HOXA3: variants seen among roughly 807,000 people sequenced by gnomAD.
HOXA3 encodes the protein homeobox protein Hox-A3.
A neutral mutation model predicts 30.3 loss-of-function variants in HOXA3; 8 were observed. The ratio of observed to expected loss-of-function variants is 0.26; its 90% CI spans 0.15 to 0.48. The LOEUF is 0.48. Ranked by LOEUF, HOXA3 falls within the 20% of genes least tolerant of loss-of-function variation. The pLI is 0.99. For synonymous variants in HOXA3, 323 were observed against 273.1 expected (o/e 1.18, Z -1.80); for missense variants, 653 against 614.4 (o/e 1.06, Z -0.66).
At chr7:27,120,836 TG>T (rs1273977815) in intron 4 of HOXA3, 2 of 152,226 alleles carry the variant, frequency 1.3e-5, no homozygotes, top group African/African-American at 2.4e-5. Flanking sequence ...GCAGCCTATC[TG>T]GGGAACCAGC....
intron 4 of HOXA3, among the ~76,000 whole-genome samples, chr7:27,120,338 C>G (rs934275453): frequency 4.0e-5 from 6 of 151,858 alleles, no homozygotes; most frequent in Admixed American, 3.9e-4. Flanking sequence ...GTCAGCAGTT[C>G]GAGACCAGCC....
At position 27,107,868 on chromosome 7, in the gene HOXA3, AG is replaced by A. The variant is rs1315033027; in HGVS notation, c.*46del. On this transcript the variant is annotated 3_prime_UTR_variant, in exon 6 of 6. Coordinates refer to ENST00000612286, the MANE Select transcript of HOXA3 (RefSeq NM_153631.3). ...AAAAAAAAAAGCAACCAAAGAAAAA[AG>A]GTGGGTGGGGGGAGACTCTCCTGGC... 1.7e-6 allele frequency: 2 copies of A among 1,159,784 alleles called. No homozygotes were observed. The highest frequency in any genetic ancestry group is 3.2e-5 in the African/African-American group (2 of 63,236). The allele number at this position is 1,159,784 out of a possible 1,614,324, so 71.8% of individuals were successfully genotyped here. A position where few individuals can be genotyped will look rare whatever the true frequency, so the allele number is the denominator to read the frequency against.
At chr7:27,145,137 AAGGCCGGGCTCC>A (rs1238692677) in intron 1 of HOXA3, among the ~76,000 whole-genome samples, 2 of 152,182 alleles carry the variant, frequency 1.3e-5, no homozygotes, top group African/African-American at 4.8e-5. Flanking sequence ...AGGCCGCGAC[AAGGCCGGGCTCC>A]AGCTCTTAGA....
Position 27,108,756 on chromosome 7 carries a change from G to T in HOXA3, c.527-36C>A, listed in dbSNP as rs746153846. On this transcript the variant is annotated intron_variant, in intron 5 of 5. Coordinates refer to ENST00000612286, the MANE Select transcript of HOXA3 (RefSeq NM_153631.3). This position sits in a 1 kb window ranked among gnomAD's most constrained non-coding sequence, Gnocchi z 5.0. ...AGAGAGAGGAAGAGCGGCGTCAGGG[G>T]CTGCCGCGGCCCCGCCCAGCCCCTG... 6.6e-7 allele frequency: 1 copy of T among 1,509,112 alleles called. No homozygotes were observed. Among genetic ancestry groups the T allele is most frequent in the Non-Finnish European group, 8.9e-7 (1 of 1,121,294 alleles). The allele number at this position is 1,509,112 out of a possible 1,614,324, so 93.5% of individuals were successfully genotyped here. A position where few individuals can be genotyped will look rare whatever the true frequency, so the allele number is the denominator to read the frequency against.
At chr7:27,147,862 G>A (rs1348763840) in intron 1 of HOXA3, 34 of 948,326 alleles carry the variant, frequency 3.6e-5, no homozygotes, top group Non-Finnish European at 5.2e-5. Context: ...AAAAGCGACA[G>A]CAGCAAATCG....
rs1465049093 is a variant in HOXA3, at chr7:27,129,689, A to G, written c.-389-2619T>C. 4.6e-6 allele frequency: 5 copies of G among 1,098,420 alleles called. No individual in the cohort carries two copies. The Admixed American group carries it at 1.0e-4, about 22-fold the overall frequency. 68.0% of individuals were successfully genotyped at this position (1,098,420 alleles called of 1,614,324 possible). Reference sequence around the variant, plus strand: ...CAATTGGACATCATCATTATATAATAACCTGACACCAAGTTCACGCAAGAT... The same window carrying G: ...CAATTGGACATCATCATTATATAATGACCTGACACCAAGTTCACGCAAGAT... On this transcript the variant is annotated intron_variant, in intron 2 of 5. Transcript: ENST00000612286.
rs935855248 is a variant in HOXA3, at chr7:27,147,756, G to T, written c.-494+4532C>A. The stretch of plus-strand genomic sequence containing the variant: ...TCACAAAATAGGAACTCATTTGCGC[G>T]CCCCTCTGCAGGACTGTGATTTGTT... On this transcript the variant is annotated intron_variant, in intron 1 of 5. Coordinates refer to ENST00000612286, the MANE Select transcript of HOXA3 (RefSeq NM_153631.3). 3.1e-6 allele frequency: 5 copies of T among 1,601,154 alleles called. No homozygotes were observed. In the African/African-American group the frequency reaches 4.0e-5, roughly 13 times the overall value.
intron 1 of HOXA3, chr7:27,143,039 G>A: frequency 1.3e-6 from 2 of 1,504,078 alleles, no homozygotes; most frequent in South Asian, 1.4e-5. Flanking sequence ...AAAAAGGCTG[G>A]CTTTACCATG....
chr7:27,108,245 C>T lies in HOXA3; in HGVS notation c.1002G>A (p.Ala334=). The T allele has an allele frequency of 6.6e-7, 1 of 1,517,802 alleles. No homozygotes were observed. The highest frequency in any genetic ancestry group is 8.8e-7 in the Non-Finnish European group (1 of 1,133,310). 94.0% of individuals were successfully genotyped at this position (1,517,802 alleles called of 1,614,324 possible). The change falls in exon 6 of 6, where the codon GCG becomes GCA. Residue 334 remains alanine, a synonymous_variant. Transcript: ENST00000612286. This position sits in a 1 kb window ranked among gnomAD's most constrained non-coding sequence, Gnocchi z 5.0. Reference sequence around the variant, plus strand: ...CATAGTCGGGGGTGCCCCCTGCGCCCGCCCCTGCCGCCGTGTAGCGCTTCT... The same window carrying T: ...CATAGTCGGGGGTGCCCCCTGCGCCTGCCCCTGCCGCCGTGTAGCGCTTCT... ...PPQKRYTAAG[A]GAGGTPDYDP... is the part of the protein sequence containing the mutation.
chr7:27,142,871 G>A lies in HOXA3; in HGVS notation c.-493-2685C>T, dbSNP rs542012390. 4.0e-5 allele frequency: 24 copies of A among 606,960 alleles called. No individual in the cohort carries two copies. The African/African-American group carries it at 4.1e-4, about 10-fold the overall frequency. 37.6% of individuals were successfully genotyped at this position (606,960 alleles called of 1,614,324 possible). On this transcript the variant is annotated intron_variant, in intron 1 of 5. Coordinates refer to ENST00000612286, the MANE Select transcript of HOXA3 (RefSeq NM_153631.3). ...CCCCCACTATTTGTGAGCGCAGGGT[G>A]CTCGCAAAGAAGAGGAGGAAGGAGG...
chr7:27,131,918 G>A (rs192346953), intron 2 of HOXA3, among the ~76,000 whole-genome samples: 1 of 152,286 alleles, frequency 6.6e-6, no homozygotes, highest in African/African-American at 2.4e-5. Context: ...GCGTATTAAC[G>A]ATATCAGAAG....
intron 2 of HOXA3, among the ~76,000 whole-genome samples, chr7:27,136,907 C>T (rs1785732130): frequency 6.6e-6 from 1 of 152,094 alleles, no homozygotes; most frequent in Non-Finnish European, 1.5e-5. Flanking sequence ...TAGGCTGACC[C>T]CCTCAGCCCT....
chr7:27,134,412 A>C (rs1216530398), intron 2 of HOXA3: 1 of 152,228 alleles, frequency 6.6e-6, no homozygotes, highest in Non-Finnish European at 1.5e-5. Context: ...AAAAGCAATA[A>C]ATTCTGCAAG....
chr7:27,110,050 G>A (rs149160884), intron 5 of HOXA3, 65 bp downstream of exon 5: 2 of 1,584,696 alleles, frequency 1.3e-6, no homozygotes, highest in African/African-American at 1.3e-5. Context: ...GCTGGATGTC[G>A]TGGGCAGTAG....
At chr7:27,136,927 C>T (rs777542184) in intron 2 of HOXA3, among the ~76,000 whole-genome samples, 11 of 152,072 alleles carry the variant, frequency 7.2e-5, no homozygotes, top group Non-Finnish European at 1.5e-4. Context: ...TGCCTGGGAG[C>T]CCCGTTTATA....
chr7:27,141,113 C>CAAAAAAACAAAAAA, intron 1 of HOXA3: 1 of 82,942 alleles, frequency 1.2e-5, no homozygotes, highest in Non-Finnish European at 2.2e-5. Flanking sequence ...AAAACAAATA[C>CAAAAAAACAAAAAA]AAAAAAAAAA....
chr7:27,129,723 C>T (rs1180261967), intron 2 of HOXA3: 2 of 883,250 alleles, frequency 2.3e-6, no homozygotes, highest in African/African-American at 1.7e-5. Context: ...ATACATAAAA[C>T]GGCAAAGAAA....
At chr7:27,142,498 C>T (rs1426573858) in intron 1 of HOXA3, among the ~76,000 whole-genome samples, 1 of 152,220 alleles carries the variant, frequency 6.6e-6, no homozygotes, top group Non-Finnish European at 1.5e-5. Context: ...AGAGCCGCCT[C>T]CCGTTTCCAG....
intron 2 of HOXA3, among the ~76,000 whole-genome samples, chr7:27,127,498 T>C (rs1000960518): frequency 2.0e-5 from 3 of 152,246 alleles, no homozygotes; most frequent in Admixed American, 6.5e-5. Context: ...TTCTCTGATA[T>C]TGCAGAGGCA....
Sources: allele counts gnomAD v4.1 joint callset (sites outside exome capture counted in the v4.1 genomes callset), GRCh38; gene constraint gnomAD v4.1.1; non-coding constraint Gnocchi (gnomAD v3.1); transcripts MANE v1.5; gene names NCBI Gene and HGNC (gene_info 2026-07-23, HGNC 2026-07-21).